Variants in CAD observed in about 807,000 individuals in gnomAD.
CAD encodes carbamoyl-phosphate synthetase 2, aspartate transcarbamylase, and dihydroorotase, also known as multifunctional protein CAD.
CAD carries 81 observed loss-of-function variants against 237.2 expected under a neutral mutation model. The ratio of observed to expected loss-of-function variants is 0.34; its 90% CI spans 0.29 to 0.41. CAD has a LOEUF of 0.41. Among genes scored for constraint, CAD ranks in the 10% least tolerant of loss-of-function variants. The pLI, the probability that CAD is intolerant of heterozygous loss-of-function variation, is 1.00. For missense variants in CAD, 2,181 were observed against 2,951.7 expected (o/e 0.74, Z 6.05); for synonymous variants, 1,196 against 1,162.8 (o/e 1.03, Z -0.58).
rs770567735 is a variant in CAD, at chr2:27,238,422, G to A, written c.4861-9G>A. The A allele has an allele frequency of 1.0e-5, 16 of 1,559,258 alleles. No individual in the cohort carries two copies. Among genetic ancestry groups the A allele is most frequent in the Non-Finnish European group, 1.4e-5 (16 of 1,151,682 alleles). On this transcript the variant is annotated splice_polypyrimidine_tract_variant and intron_variant, in intron 30 of 43. Transcript: ENST00000264705. ...GGTGCCTCTTCTGGATCTTCCCATTGTTCCCCAGATCCTGCTAATTAAAGC... is the reference window on the plus strand; with the variant it reads ...GGTGCCTCTTCTGGATCTTCCCATTATTCCCCAGATCCTGCTAATTAAAGC...
rs1378777758 is a variant in CAD, at chr2:27,224,726, G to T, written c.1255-19G>T. 6.2e-7 allele frequency: 1 copy of T among 1,614,066 alleles called. No homozygotes were observed. Among genetic ancestry groups the T allele is most frequent in the Admixed American group, 1.7e-5 (1 of 60,012 alleles). ...TTGCTTCTTCAGCAGAGGCTGAGATGCCATTCTTGTCCTTTTAGGCAATTA... is the reference window on the plus strand; with the variant it reads ...TTGCTTCTTCAGCAGAGGCTGAGATTCCATTCTTGTCCTTTTAGGCAATTA... On this transcript the variant is annotated intron_variant, in intron 9 of 43. Coordinates refer to ENST00000264705, the MANE Select transcript of CAD (RefSeq NM_004341.5).
Position 27,234,553 on chromosome 2 carries a change from T to A in CAD, c.3654T>A (p.Arg1218=), listed in dbSNP as rs757642128. The change falls in exon 23 of 44, where the codon CGT becomes CGA. Residue 1218 remains arginine, a synonymous_variant. Transcript: ENST00000264705. ...TGAAAGTTATTGAATGCAACGTACG[T>A]GTCTCTCGCTCCTTCCCCTTCGTTT... ...DQLKVIECNV[R]VSRSFPFVSK... is the part of the protein sequence containing the mutation. 1 of 1,614,022 alleles carries A rather than the reference T, an allele frequency of 6.2e-7. No individual in the cohort carries two copies. The highest frequency in any genetic ancestry group is 8.5e-7 in the Non-Finnish European group (1 of 1,179,894).
At chr2:27,230,351 C>A (rs1215304557) in intron 15 of CAD, among the ~76,000 whole-genome samples, 1 of 150,518 alleles carries the variant, frequency 6.6e-6, no homozygotes. Flanking sequence ...GTAAAACATA[C>A]CTATGAAGGG....
At position 27,240,448 on chromosome 2, in the gene CAD, C is replaced by T; in HGVS notation, c.5593+87C>T. 2.7e-6 allele frequency: 4 copies of T among 1,478,534 alleles called. No homozygotes were observed. Among genetic ancestry groups the T allele is most frequent in the Non-Finnish European group, 1.9e-6 (2 of 1,057,694 alleles). 91.6% of individuals were successfully genotyped at this position (1,478,534 alleles called of 1,614,324 possible). ...GCCTCGCCTTTCTCTACTTACATGT[C>T]CTCCTCTCCATCCCTTTATCCTCGT... is the stretch of plus-strand genomic sequence containing the variant. On this transcript the variant is annotated intron_variant, in intron 35 of 43. Transcript: ENST00000264705. The surrounding 1 kb of genome is among the most constrained non-coding windows in gnomAD (Gnocchi z 4.6).
intron 31 of CAD, 21 bp downstream of exon 31, chr2:27,238,653 C>T (rs1381467248): frequency 5.0e-6 from 8 of 1,588,430 alleles, no homozygotes; most frequent in Non-Finnish European, 6.9e-6. Flanking sequence ...CCAGCATGTA[C>T]CTCCTCTGCC....
At position 27,232,947 on chromosome 2, in the gene CAD, C is replaced by T. The variant is rs537561346; in HGVS notation, c.2893-95C>T. 10 of 909,182 alleles carry T rather than the reference C, an allele frequency of 1.1e-5. No individual in the cohort carries two copies. The South Asian group carries it at 1.1e-4, about 10-fold the overall frequency. The allele number at this position is 909,182 out of a possible 1,614,324, so 56.3% of individuals were successfully genotyped here. ...TTTCAGAGGAAGCTGTGCTGGCAGT[C>T]TCTGAAGTAGGGGCTTTGGCTTAGT... On this transcript the variant is annotated intron_variant, in intron 18 of 43. Coordinates refer to ENST00000264705, the MANE Select transcript of CAD (RefSeq NM_004341.5). This position sits in a 1 kb window ranked among gnomAD's most constrained non-coding sequence, Gnocchi z 4.1.
At chr2:27,219,886 G>C (rs1020419237) in intron 2 of CAD, among the ~76,000 whole-genome samples, 2 of 152,140 alleles carry the variant, frequency 1.3e-5, no homozygotes, top group African/African-American at 4.8e-5. Flanking sequence ...ACCGCGCCTG[G>C]CCTTTTCTTT....
chr2:27,241,274 GGAAAGCT>G lies in CAD; in HGVS notation c.5809-46_5809-40del, dbSNP rs772871771. 1 of 1,613,784 alleles carries G rather than the reference GGAAAGCT, an allele frequency of 6.2e-7. No homozygotes were observed. Among genetic ancestry groups the G allele is most frequent in the South Asian group, 1.1e-5 (1 of 91,044 alleles). ...GGACCACCCAGAGCTTTGAGGATTT[GGAAAGCT>G]GGGGCTAGGACCTTTCTAGCTAACT... On this transcript the variant is annotated intron_variant, in intron 37 of 43. Transcript: ENST00000264705. The surrounding 1 kb of genome is among the most constrained non-coding windows in gnomAD (Gnocchi z 4.6).
At chr2:27,219,314 C>T (rs143213188) in intron 2 of CAD, among the ~76,000 whole-genome samples, 2,693 of 152,148 alleles carry the variant, frequency 0.018, 261 homozygotes, top group Admixed American at 0.16. Context: ...AGCTATTAAA[C>T]GCTTATCTAT....
chr2:27,239,557 C>T lies in CAD; in HGVS notation c.5394+86C>T, dbSNP rs1676196946. 1 of 1,551,396 alleles carries T rather than the reference C, an allele frequency of 6.4e-7. No homozygotes were observed. Among genetic ancestry groups the T allele is most frequent in the Non-Finnish European group, 8.8e-7 (1 of 1,131,144 alleles). ...TCCCTTCCCAGCACATCTACACTGT[C>T]CCACTATGTGCACCACTGCCCTGGA... On this transcript the variant is annotated intron_variant, in intron 33 of 43. Transcript: ENST00000264705. The surrounding 1 kb of genome is among the most constrained non-coding windows in gnomAD (Gnocchi z 4.0).
chr2:27,243,216 C>T lies in CAD; in HGVS notation c.6499C>T (p.Leu2167Phe), dbSNP rs971801877. ...TTTGCAGTGCTTTGGTCAGTTCATC[C>T]TCACTCCCCACATCATGACCCGGGC... ...EYEACFGQFILTPHIMTRAKK... is the reference protein window; with the variant it reads ...EYEACFGQFIFTPHIMTRAKK... The change falls in exon 43 of 44, where the codon CTC becomes TTC. Residue 2167 changes from leucine (L) to phenylalanine (F), a missense_variant. Physicochemically the swap from Leu to Phe is conservative, Grantham distance 22. Around this residue, in one of 12 missense-constraint regions of CAD, gnomAD observed 170 missense variants for 212.1 expected, o/e 0.80. Coordinates refer to ENST00000264705, the MANE Select transcript of CAD (RefSeq NM_004341.5). 1.2e-6 allele frequency: 2 copies of T among 1,613,878 alleles called. No individual in the cohort carries two copies. Among genetic ancestry groups the T allele is most frequent in the African/African-American group, 2.7e-5 (2 of 74,840 alleles).
intron 42 of CAD, 42 bp downstream of exon 42, chr2:27,243,015 A>G (rs1452568398): frequency 1.3e-6 from 2 of 1,503,658 alleles, no homozygotes; most frequent in African/African-American, 2.7e-5. Context: ...CTGCTGCCGT[A>G]GGGCATCAGA....
rs772879200 is a variant in CAD, at chr2:27,241,423, C to G, written c.5883+27C>G. 1.2e-6 allele frequency: 2 copies of G among 1,611,332 alleles called. No homozygotes were observed. The highest frequency in any genetic ancestry group is 1.1e-5 in the South Asian group (1 of 91,028). On this transcript the variant is annotated intron_variant, in intron 38 of 43. Transcript: ENST00000264705. The surrounding 1 kb of genome is among the most constrained non-coding windows in gnomAD (Gnocchi z 4.6). ...TCAGGATCAGGGCCGGGGGTAGGGTCCAGGCCATCGCCTGCCCTTGGGCCG... is the reference window on the plus strand; with the variant it reads ...TCAGGATCAGGGCCGGGGGTAGGGTGCAGGCCATCGCCTGCCCTTGGGCCG...
In CAD at chr2:27,223,733, G is replaced by A; in HGVS notation, c.980G>A (p.Ser327Asn). 1 of 1,614,152 alleles carries A rather than the reference G, an allele frequency of 6.2e-7. No homozygotes were observed. The highest frequency in any genetic ancestry group is 8.5e-7 in the Non-Finnish European group (1 of 1,179,988). ...DGSNEGIVHNSLPFFSVQFHP... is the reference protein window; with the variant it reads ...DGSNEGIVHNNLPFFSVQFHP... ...TCCAATGAAGGCATTGTGCACAACA[G>A]CTTGCCTTTCTTCAGGTGAGCCTGG... Residue 327 changes from serine to asparagine, a missense_variant, in exon 7 of 44, where the codon AGC becomes AAC. This residue lies in a region of CAD where 129 missense variants were observed against 143.3 expected (regional missense o/e 0.90). Transcript: ENST00000264705.
Position 27,241,454 on chromosome 2 carries a change from G to A in CAD, c.5883+58G>A. The A allele has an allele frequency of 2.7e-6, 4 of 1,506,488 alleles. No individual in the cohort carries two copies. The highest frequency in any genetic ancestry group is 3.7e-6 in the Non-Finnish European group (4 of 1,083,188). The allele number at this position is 1,506,488 out of a possible 1,614,324, so 93.3% of individuals were successfully genotyped here. On this transcript the variant is annotated intron_variant, in intron 38 of 43. Coordinates refer to ENST00000264705, the MANE Select transcript of CAD (RefSeq NM_004341.5). The surrounding 1 kb of genome is among the most constrained non-coding windows in gnomAD (Gnocchi z 4.6). ...CATCGCCTGCCCTTGGGCCGCATCAGCGCAGGGCCGCGCAGTGGTCAGAGT... is the reference window on the plus strand; with the variant it reads ...CATCGCCTGCCCTTGGGCCGCATCAACGCAGGGCCGCGCAGTGGTCAGAGT...
rs751026754 is a variant in CAD at position 27,233,850 on chromosome 2, C to T, written c.3399+42C>T. On this transcript the variant is annotated intron_variant, in intron 21 of 43. Transcript: ENST00000264705. The surrounding 1 kb of genome is among the most constrained non-coding windows in gnomAD (Gnocchi z 6.3). ...AGTGAAGTCTCTGAGGGCATGCTGC[C>T]AGCCCTGGAGGAGACTTCCTTCTCT... 1.9e-5 allele frequency: 30 copies of T among 1,603,428 alleles called. No homozygotes were observed. Among genetic ancestry groups the T allele is most frequent in the South Asian group, 1.4e-4 (13 of 90,772 alleles).
intron 6 of CAD, 116 bp from the exon 7 acceptor site, chr2:27,223,434 AAAAAAAAAAAAAC>A: frequency 1.1e-6 from 1 of 878,828 alleles, no homozygotes; most frequent in South Asian, 1.8e-5. Context: ...CCGTCTCAAA[AAAAAAAAAAAAAC>A]AAAAAGGAAA....
chr2:27,221,454 TG>T lies in CAD; in HGVS notation c.352+109del, dbSNP rs1453787241. 11 of 1,089,280 alleles carry T rather than the reference TG, an allele frequency of 1.0e-5. No homozygotes were observed. In the Admixed American group the frequency reaches 1.6e-4, roughly 15 times the overall value. 67.5% of individuals were successfully genotyped at this position (1,089,280 alleles called of 1,614,324 possible). On this transcript the variant is annotated intron_variant, in intron 3 of 43. Transcript: ENST00000264705. ...GACCTGACTCTAAGATTGTGATAGT[TG>T]GAAGGTTTAGATTGGAGTTGGGCTG...
At position 27,235,238 on chromosome 2, in the gene CAD, C is replaced by T. The variant is rs754715511; in HGVS notation, c.3787-7C>T. 1 of 1,600,624 alleles carries T rather than the reference C, an allele frequency of 6.2e-7. No homozygotes were observed. The highest frequency in any genetic ancestry group is 1.1e-5 in the South Asian group (1 of 88,866). On this transcript the variant is annotated splice_region_variant and splice_polypyrimidine_tract_variant and intron_variant, in intron 23 of 43. Coordinates refer to ENST00000264705, the MANE Select transcript of CAD (RefSeq NM_004341.5). The surrounding 1 kb of genome is among the most constrained non-coding windows in gnomAD (Gnocchi z 5.2). ...TTGGCCCTCTCTCTTCCCTCCCGCC[C>T]CTTTAGGTGCCTCAGTTCTCCTTCT...
Sources: allele counts gnomAD v4.1 joint callset (sites outside exome capture counted in the v4.1 genomes callset), GRCh38; gene constraint gnomAD v4.1.1; regional missense constraint gnomAD v4.1.1; non-coding constraint Gnocchi (gnomAD v3.1); transcripts MANE v1.5; gene names NCBI Gene and HGNC (gene_info 2026-07-23, HGNC 2026-07-21).